Variants in TANK observed in about 807,000 individuals in gnomAD.
TANK encodes the protein TRAF family member-associated NF-kappa-B activator.
TANK carries 15 observed loss-of-function variants against 43.6 expected under a neutral mutation model. The observed-to-expected ratio is 0.34, with a 90% CI of 0.23 to 0.53. TANK has a LOEUF of 0.53. TANK is among the 20% of genes least tolerant of loss of function. The probability of loss-of-function intolerance (pLI) is 0.94; values close to 1 mark genes in which losing one functional copy is unlikely to be tolerated. For synonymous variants in TANK, 162 were observed against 178.2 expected, an observed-to-expected ratio of 0.91 and a Z score of 0.73; for missense variants, 417 against 498.6, an observed-to-expected ratio of 0.84 and a Z score of 1.56.
At chr2:161,213,694 ATTTTT>A (rs201255345) in intron 4 of TANK, among the ~76,000 whole-genome samples, 1 of 92,978 alleles carries the variant, frequency 1.1e-5, no homozygotes, top group South Asian at 3.1e-4. Context: ...ACCTGCTGTT[ATTTTT>A]TTTTTTTTTG....
At chr2:161,202,182 C>CTTT (rs35913723) in intron 2 of TANK, among the ~76,000 whole-genome samples, 228 of 78,110 alleles carry the variant, frequency 2.9e-3, no homozygotes, top group Middle Eastern at 0.012. Flanking sequence ...GCTCTAATTT[C>CTTT]TTTTTTTTTT....
rs139503428 is a variant in TANK, at chr2:161,210,364, C to T, written c.327+5571C>T. On this transcript the variant is annotated intron_variant, in intron 4 of 7. Coordinates refer to ENST00000392749, the MANE Select transcript of TANK (RefSeq NM_001199135.3). Reference sequence around the variant, plus strand: ...GCCTTGCTAGTCATTAACAGAAATACAAAAAACAAAACACAGCAATAGCAA... The same window carrying T: ...GCCTTGCTAGTCATTAACAGAAATATAAAAAACAAAACACAGCAATAGCAA... Among the ~76,000 whole-genome samples the T allele has an allele frequency of 6.7e-4, 102 of 152,104 alleles. 1 individual carries two copies. Among genetic ancestry groups the T allele is most frequent in the Admixed American group, 1.2e-3 (18 of 15,278 alleles).
intron 2 of TANK, among the ~76,000 whole-genome samples, chr2:161,189,753 C>T (rs1318875742): frequency 6.6e-6 from 1 of 152,042 alleles, no homozygotes; most frequent in Non-Finnish European, 1.5e-5. Context: ...TAACAACAAA[C>T]CATTTAAAGA....
At chr2:161,162,766 G>A (rs562363348) in intron 1 of TANK, 1 of 152,182 alleles carries the variant, frequency 6.6e-6, no homozygotes, top group East Asian at 1.9e-4. Context: ...AACTGGGGAT[G>A]GGGAGTGTCT....
intron 1 of TANK, among the ~76,000 whole-genome samples, chr2:161,171,101 A>G (rs887968959): frequency 6.6e-6 from 1 of 152,224 alleles, no homozygotes; most frequent in Non-Finnish European, 1.5e-5. Context: ...GTTAAGATTT[A>G]CTAGGTCTGA....
At chr2:161,163,994 A>G (rs1231469579) in intron 1 of TANK, among the ~76,000 whole-genome samples, 2 of 152,214 alleles carry the variant, frequency 1.3e-5, no homozygotes, top group African/African-American at 4.8e-5. Context: ...AGCAGTTTGC[A>G]TCTATGAACT....
chr2:161,193,286 T>A (rs1686001133), intron 2 of TANK, among the ~76,000 whole-genome samples: 1 of 152,202 alleles, frequency 6.6e-6, no homozygotes, highest in Non-Finnish European at 1.5e-5. Context: ...CAGACAACTT[T>A]TACTATGCTT....
upstream of TANK, chr2:161,156,059 A>G: frequency 1.0e-6 from 1 of 982,864 alleles, no homozygotes; most frequent in Non-Finnish European, 1.2e-6. Flanking sequence ...TTTACAAAGT[A>G]TTGTATTGGT....
chr2:161,215,078 C>T (rs1687059006), intron 4 of TANK, among the ~76,000 whole-genome samples: 1 of 152,084 alleles, frequency 6.6e-6, no homozygotes, highest in South Asian at 2.1e-4. Flanking sequence ...TTCTTGTATT[C>T]CTGACATGAA....
At chr2:161,183,285 A>G (rs564287408) in intron 2 of TANK, among the ~76,000 whole-genome samples, 57 of 152,298 alleles carry the variant, frequency 3.7e-4, no homozygotes, top group African/African-American at 1.3e-3. Flanking sequence ...TTAGGGGTGG[A>G]TAGGAGGAAA....
intron 4 of TANK, among the ~76,000 whole-genome samples, chr2:161,207,198 T>A (rs1686690797): frequency 6.6e-6 from 1 of 152,120 alleles, no homozygotes; most frequent in Non-Finnish European, 1.5e-5. Flanking sequence ...TGAAATTAAG[T>A]TTAAGTAACA....
chr2:161,178,544 T>G (rs1685274169), intron 1 of TANK, among the ~76,000 whole-genome samples: 1 of 151,918 alleles, frequency 6.6e-6, no homozygotes, highest in African/African-American at 2.4e-5. Flanking sequence ...ATGGACTGTT[T>G]TAGGGAGGGT....
chr2:161,231,616 G>C, intron 7 of TANK, 65 bp downstream of exon 7: 1 of 1,391,258 alleles, frequency 7.2e-7, no homozygotes, highest in Non-Finnish European at 1.0e-6. Context: ...TACATGCACA[G>C]ATATGCATCT....
intron 4 of TANK, 102 bp from the exon 5 acceptor site, chr2:161,223,813 G>A: frequency 1.5e-6 from 1 of 688,688 alleles, no homozygotes; most frequent in Non-Finnish European, 2.5e-6. Flanking sequence ...TTTTTCAGTA[G>A]GGAAGGTAAA....
chr2:161,193,130 AAGAT>A (rs1486724663), intron 2 of TANK, among the ~76,000 whole-genome samples: 9 of 152,332 alleles, frequency 5.9e-5, no homozygotes, highest in South Asian at 2.1e-4. Flanking sequence ...TAGCAATTAA[AAGAT>A]AGAGCATTCA....
At chr2:161,232,871 G>T in intron 7 of TANK, 1 of 1,547,014 alleles carries the variant, frequency 6.5e-7, no homozygotes, top group South Asian at 1.2e-5. Flanking sequence ...AATTAGTGTT[G>T]AGTTGTCACA....
In TANK at chr2:161,230,116, T is replaced by A. The variant is rs182780132; in HGVS notation, c.521-855T>A. Among the ~76,000 whole-genome samples, 479 of 152,328 alleles carry A rather than the reference T, an allele frequency of 3.1e-3. 1 individual carries two copies. The highest frequency in any genetic ancestry group is 4.9e-3 in the Non-Finnish European group (332 of 68,020). On this transcript the variant is annotated intron_variant, in intron 6 of 7. Transcript: ENST00000392749. ...TTAATTTGCTGTTTCAAACCAGCTA[T>A]GAGCTGTGGAAATACCACCAAGTTT...
At chr2:161,139,372 T>A (rs1683678079) in intron 1 of TANK, among the ~76,000 whole-genome samples, 1 of 152,178 alleles carries the variant, frequency 6.6e-6, no homozygotes, top group South Asian at 2.1e-4. Context: ...AGAGGCTTAT[T>A]TAAATAAAAA....
chr2:161,204,578 C>G, intron 3 of TANK, 97 bp from the exon 4 acceptor site: 1 of 1,098,542 alleles, frequency 9.1e-7, no homozygotes, highest in Non-Finnish European at 1.3e-6. Flanking sequence ...AAAATGTATT[C>G]TCTTTATGGT....
Sources: gnomAD v4.1 joint callset for allele counts (sites outside exome capture counted in the v4.1 genomes callset) on GRCh38, gnomAD v4.1.1 for gene constraint, MANE v1.5 for transcripts, NCBI Gene and HGNC (gene_info 2026-07-23, HGNC 2026-07-21) for gene names.